The following PTPRZ1 variants were observed in gnomAD, a reference collection of about 807,000 sequenced individuals.
PTPRZ1 encodes the protein protein tyrosine phosphatase receptor type Z1.
In PTPRZ1, 82 loss-of-function variants were observed where a neutral mutation model predicts 214.1. The observed-to-expected ratio is 0.38, with a 90% CI of 0.32 to 0.46. PTPRZ1 has a LOEUF of 0.46. PTPRZ1 is among the 20% of genes least tolerant of loss of function. The pLI is 1.00. For synonymous variants in PTPRZ1, 945 were observed against 987.9 expected, an observed-to-expected ratio of 0.96 and a Z score of 0.81; for missense variants, 2,603 against 2,748.7, an observed-to-expected ratio of 0.95 and a Z score of 1.19.
chr7:121,877,849 A>G (rs1429481788), intron 1 of PTPRZ1, among the ~76,000 whole-genome samples: 1 of 152,130 alleles, frequency 6.6e-6, no homozygotes, highest in Non-Finnish European at 1.5e-5. Context: ...TTCCTGCTCC[A>G]TTAAGAATTC....
At chr7:121,996,100 G>C (rs1798124685) in intron 8 of PTPRZ1, among the ~76,000 whole-genome samples, 2 of 152,078 alleles carry the variant, frequency 1.3e-5, no homozygotes, top group Admixed American at 1.3e-4. Context: ...GACAATGACA[G>C]AGATCACTTC....
At chr7:121,952,216 C>T (rs75757123) in intron 2 of PTPRZ1, among the ~76,000 whole-genome samples, 9,504 of 152,164 alleles carry the variant, frequency 0.062, 357 homozygotes, top group Non-Finnish European at 0.089. Flanking sequence ...CCTCGGCCTC[C>T]CAAAGTGCTG....
intron 14 of PTPRZ1, among the ~76,000 whole-genome samples, chr7:122,031,086 A>G (rs1217604148): frequency 2.0e-5 from 3 of 152,070 alleles, no homozygotes; most frequent in Non-Finnish European, 4.4e-5. Flanking sequence ...GTCCACACTA[A>G]AATTGAAACT....
chr7:121,976,187 C>A lies in PTPRZ1; in HGVS notation c.471C>A (p.Cys157Ter). ...TACTTTTATAGATGCAAATCTACTG[C>A]TTTGATGCGGACCGATTTTCAAGTT... The part of the protein sequence containing the change: ...QKFPLEMQIY[C>*]FDADRFSSFE... Residue 157 changes from cysteine to a stop codon, truncating the protein, a stop_gained, in exon 5 of 30, where the codon TGC (cysteine) becomes TGA (stop). Coordinates refer to ENST00000393386, the MANE Select transcript of PTPRZ1 (RefSeq NM_002851.3). LOFTEE classifies it high-confidence loss of function. 1 of 1,606,660 alleles carries A rather than the reference C, an allele frequency of 6.2e-7. No individual in the cohort carries two copies.
intron 14 of PTPRZ1, among the ~76,000 whole-genome samples, chr7:122,029,468 A>G (rs1028788886): frequency 6.6e-6 from 1 of 152,004 alleles, no homozygotes; most frequent in African/African-American, 2.4e-5. Flanking sequence ...AAAAGTGGCA[A>G]CAAAAAATAG....
intron 1 of PTPRZ1, among the ~76,000 whole-genome samples, chr7:121,891,757 C>A (rs1794631038): frequency 6.6e-6 from 1 of 151,946 alleles, no homozygotes; most frequent in African/African-American, 2.4e-5. Flanking sequence ...GCTTTCTGCA[C>A]TGTCTGGTCT....
Position 121,983,947 on chromosome 7 carries a change from T to G in PTPRZ1, c.778-20T>G. 1 of 1,608,438 alleles carries G rather than the reference T, an allele frequency of 6.2e-7. No individual in the cohort carries two copies. Among genetic ancestry groups the G allele is most frequent in the Non-Finnish European group, 8.5e-7 (1 of 1,176,364 alleles). On this transcript the variant is annotated intron_variant, in intron 7 of 29. Transcript: ENST00000393386. ...ATGCCTTTGAAGCAGATATGTTAAATTATTTGATCTTTTTTTCAGTTGGCT... is the reference window on the plus strand; with the variant it reads ...ATGCCTTTGAAGCAGATATGTTAAAGTATTTGATCTTTTTTTCAGTTGGCT...
At chr7:121,989,386 T>TC (rs1797873730) in intron 8 of PTPRZ1, among the ~76,000 whole-genome samples, 1 of 151,620 alleles carries the variant, frequency 6.6e-6, no homozygotes, top group Admixed American at 6.6e-5. Context: ...TTTTTTTTTT[T>TC]TTTTTGAGTT....
chr7:121,971,855 A>C (rs1797260469), intron 3 of PTPRZ1, among the ~76,000 whole-genome samples: 1 of 152,190 alleles, frequency 6.6e-6, no homozygotes, highest in South Asian at 2.1e-4. Flanking sequence ...TTATTGAGGG[A>C]CATCCAAATC....
intron 15 of PTPRZ1, among the ~76,000 whole-genome samples, chr7:122,033,680 C>T (rs1799453110): frequency 6.6e-6 from 1 of 151,330 alleles, no homozygotes; most frequent in Non-Finnish European, 1.5e-5. Context: ...TTAAAGTAAC[C>T]CCCCAAAAAA....
chr7:121,893,264 G>T (rs923273024), intron 1 of PTPRZ1, among the ~76,000 whole-genome samples: 1 of 152,118 alleles, frequency 6.6e-6, no homozygotes, highest in Admixed American at 6.5e-5. Context: ...AACCCCAAAT[G>T]GCTGTGTGGT....
intron 8 of PTPRZ1, among the ~76,000 whole-genome samples, chr7:121,990,730 G>C (rs2116592058): frequency 6.6e-6 from 1 of 152,060 alleles, no homozygotes; most frequent in African/African-American, 2.4e-5. Flanking sequence ...ATGTTGGCCA[G>C]ACTGGTCTCG....
At chr7:121,874,039 G>GACAC (rs10640393) in intron 1 of PTPRZ1, among the ~76,000 whole-genome samples, 40,534 of 147,772 alleles carry the variant, frequency 0.27, 5,705 homozygotes, top group South Asian at 0.38. Context: ...GTGAATTGCA[G>GACAC]ACACACACAC....
At chr7:122,005,254 A>G (rs1798451495) in intron 11 of PTPRZ1, among the ~76,000 whole-genome samples, 1 of 151,940 alleles carries the variant, frequency 6.6e-6, no homozygotes, top group Non-Finnish European at 1.5e-5. Context: ...TTTTAACATT[A>G]TTTTATTTTT....
intron 1 of PTPRZ1, among the ~76,000 whole-genome samples, chr7:121,903,966 TCACACACA>T (rs57176542): frequency 2.7e-4 from 33 of 123,846 alleles, no homozygotes; most frequent in Non-Finnish European, 4.2e-4. Context: ...TCTTTAAATC[TCACACACA>T]CACACACACA....
chr7:122,021,857 A>G (rs1423469490), intron 13 of PTPRZ1, among the ~76,000 whole-genome samples: 3 of 152,242 alleles, frequency 2.0e-5, no homozygotes, highest in African/African-American at 7.2e-5. Context: ...TATCTGACCT[A>G]CTAACATCTG....
intron 23 of PTPRZ1, among the ~76,000 whole-genome samples, chr7:122,049,990 A>C (rs977495935): frequency 4.6e-5 from 7 of 152,214 alleles, no homozygotes; most frequent in Admixed American, 3.3e-4. Context: ...CAGTGAAGAA[A>C]CAGCAGATTA....
intron 3 of PTPRZ1, among the ~76,000 whole-genome samples, chr7:121,971,836 A>G (rs1797260316): frequency 6.6e-6 from 1 of 152,178 alleles, no homozygotes; most frequent in East Asian, 1.9e-4. Flanking sequence ...AACAGAGACT[A>G]TTTAAACTTT....
At chr7:121,989,838 A>G (rs1476784757) in intron 8 of PTPRZ1, among the ~76,000 whole-genome samples, 7 of 152,328 alleles carry the variant, frequency 4.6e-5, no homozygotes, top group African/African-American at 1.7e-4. Flanking sequence ...CACACAGAAG[A>G]AAATAAAAAT....
Sources: allele counts gnomAD v4.1 joint callset (sites outside exome capture counted in the v4.1 genomes callset), GRCh38; gene constraint gnomAD v4.1.1; transcripts MANE v1.5; gene names NCBI Gene and HGNC (gene_info 2026-07-23, HGNC 2026-07-21).